ADCY1: variants seen among roughly 807,000 people sequenced by gnomAD.
The protein encoded by ADCY1 is adenylate cyclase type 1.
ADCY1 carries 28 observed loss-of-function variants against 105.4 expected under a neutral mutation model. The ratio of observed to expected loss-of-function variants is 0.27; its 90% CI spans 0.20 to 0.36. ADCY1 has a LOEUF of 0.36. Ranked by LOEUF, ADCY1 falls within the 10% of genes least tolerant of loss-of-function variation. The pLI is 1.00. For synonymous variants in ADCY1, 655 were observed against 623.8 expected, an observed-to-expected ratio of 1.05 and a Z score of -0.75; for missense variants, 977 against 1,434.2, an observed-to-expected ratio of 0.68 and a Z score of 5.15.
In ADCY1 at chr7:45,716,092, C is replaced by T. The variant is rs1257289878; in HGVS notation, c.*2097C>T. The T allele has an allele frequency of 6.5e-6, 1 of 152,704 alleles. No homozygotes were observed. The highest frequency in any genetic ancestry group is 2.4e-5 in the African/African-American group (1 of 41,454). The allele number at this position is 152,704 out of a possible 1,614,324, so 9.5% of individuals were successfully genotyped here. On this transcript the variant is annotated 3_prime_UTR_variant, in exon 20 of 20. Transcript: ENST00000297323. ...GGTGGTCCTCATGTCGCTGTCCGCT[C>T]ATGTTCCTGGTGTTCTGGCATCACC...
chr7:45,658,286 T>C (rs1050407218), intron 6 of ADCY1, among the ~76,000 whole-genome samples: 3 of 151,512 alleles, frequency 2.0e-5, no homozygotes, highest in Non-Finnish European at 4.4e-5. Context: ...TTAGAGCTCC[T>C]TCTCCACCCC....
At chr7:45,582,897 C>G (rs886162628) in intron 1 of ADCY1, among the ~76,000 whole-genome samples, 2 of 152,178 alleles carry the variant, frequency 1.3e-5, no homozygotes, top group African/African-American at 4.8e-5. Context: ...CTAGCTCTGG[C>G]TTTGTGCTGA....
intron 1 of ADCY1, among the ~76,000 whole-genome samples, chr7:45,576,905 G>C (rs6977779): frequency 1.2e-3 from 181 of 152,260 alleles, no homozygotes; most frequent in African/African-American, 3.7e-3. Context: ...GTAATAAAAG[G>C]CTGCGTTATT....
intron 14 of ADCY1, among the ~76,000 whole-genome samples, chr7:45,693,044 G>A (rs1784812381): frequency 6.6e-6 from 1 of 152,186 alleles, no homozygotes; most frequent in Admixed American, 6.5e-5. Flanking sequence ...AAAATTGATA[G>A]AACTGCAAGA....
At chr7:45,653,844 G>A (rs897316229) in intron 5 of ADCY1, among the ~76,000 whole-genome samples, 2 of 152,164 alleles carry the variant, frequency 1.3e-5, no homozygotes, top group Non-Finnish European at 2.9e-5. Flanking sequence ...AGCCAGTTCT[G>A]GCCTACCAAA....
rs1198267853 is a variant in ADCY1 at position 45,708,266 on chromosome 7, A to G, written c.2818-84A>G. The G allele has an allele frequency of 2.4e-6, 2 of 837,760 alleles. No homozygotes were observed. The highest frequency in any genetic ancestry group is 5.0e-5 in the East Asian group (2 of 40,380). 51.9% of individuals were successfully genotyped at this position (837,760 alleles called of 1,614,324 possible). A position where few individuals can be genotyped will look rare whatever the true frequency, so the allele number is the denominator to read the frequency against. On this transcript the variant is annotated intron_variant, in intron 17 of 19. Transcript: ENST00000297323. The surrounding 1 kb of genome is among the most constrained non-coding windows in gnomAD (Gnocchi z 4.7). ...TCAGAGTGCCTTCCTCTGAAAGTGC[A>G]GCTGTTGGGCACTGCAGGTTGGTCC...
Position 45,638,481 on chromosome 7 carries a change from C to CTTTTTTTTTTTTT in ADCY1, c.1021-10184_1021-10172dup, listed in dbSNP as rs34719678. Among the ~76,000 whole-genome samples the CTTTTTTTTTTTTT allele has an allele frequency of 2.3e-5, 3 of 132,746 alleles. 1 individual carries two copies. Among genetic ancestry groups the CTTTTTTTTTTTTT allele is most frequent in the African/African-American group, 5.6e-5 (2 of 35,834 alleles). 87.1% of individuals were successfully genotyped at this position (132,746 alleles called of 152,430 possible). A position where few individuals can be genotyped will look rare whatever the true frequency, so the allele number is the denominator to read the frequency against. Reference sequence around the variant, plus strand: ...AAAATTGGAATGACCCAGTTTGCTCCTTTTTTTTTTTTTTTTTGTATTACT... The same window carrying CTTTTTTTTTTTTT: ...AAAATTGGAATGACCCAGTTTGCTCCTTTTTTTTTTTTTTTTTTTTTTTTTTTTTTGTATTACT... On this transcript the variant is annotated intron_variant, in intron 4 of 19. Coordinates refer to ENST00000297323, the MANE Select transcript of ADCY1 (RefSeq NM_021116.4).
At chr7:45,673,654 C>G (rs1784402514) in intron 8 of ADCY1, among the ~76,000 whole-genome samples, 1 of 151,862 alleles carries the variant, frequency 6.6e-6, no homozygotes, top group Admixed American at 6.6e-5. Context: ...TGTCTTTTCA[C>G]TCTTATTTTT....
chr7:45,663,334 G>A (rs905364616), intron 8 of ADCY1, among the ~76,000 whole-genome samples: 4 of 152,212 alleles, frequency 2.6e-5, no homozygotes, highest in African/African-American at 4.8e-5. Context: ...GTGAGCAAAC[G>A]TGTCCAGAGT....
chr7:45,651,432 C>T (rs1794807454), intron 5 of ADCY1, among the ~76,000 whole-genome samples: 1 of 152,226 alleles, frequency 6.6e-6, no homozygotes. Flanking sequence ...CTTGCCCAGG[C>T]AGAGGAGGAC....
chr7:45,662,970 C>T (rs1384713281), intron 8 of ADCY1, among the ~76,000 whole-genome samples: 1 of 152,198 alleles, frequency 6.6e-6, no homozygotes, highest in African/African-American at 2.4e-5. Flanking sequence ...GAAAGCAAGT[C>T]AGAAATGGGG....
At chr7:45,595,774 G>T (rs564808162) in intron 2 of ADCY1, among the ~76,000 whole-genome samples, 1 of 152,356 alleles carries the variant, frequency 6.6e-6, no homozygotes, top group Non-Finnish European at 1.5e-5. Context: ...CATGAGCGCT[G>T]ATTGAGGACG....
At chr7:45,676,665 G>A (rs1784460173) in intron 8 of ADCY1, among the ~76,000 whole-genome samples, 1 of 152,132 alleles carries the variant, frequency 6.6e-6, no homozygotes, top group East Asian at 1.9e-4. Context: ...CACTGACAAT[G>A]CAAGTGGGAG....
At chr7:45,656,318 T>C (rs1316119705) in intron 5 of ADCY1, among the ~76,000 whole-genome samples, 1 of 151,472 alleles carries the variant, frequency 6.6e-6, no homozygotes, top group Non-Finnish European at 1.5e-5. Context: ...AAAAAAAAAG[T>C]ATATTCAAAA....
intron 8 of ADCY1, among the ~76,000 whole-genome samples, chr7:45,662,467 T>G (rs996097449): frequency 7.2e-5 from 11 of 152,198 alleles, no homozygotes; most frequent in South Asian, 2.1e-4. Context: ...ATCCATAAAT[T>G]CAAGCTAAAA....
At chr7:45,598,679 T>G (rs1417057090) in intron 2 of ADCY1, among the ~76,000 whole-genome samples, 1 of 152,112 alleles carries the variant, frequency 6.6e-6, no homozygotes, top group African/African-American at 2.4e-5. Flanking sequence ...CTATAATTAT[T>G]AAAAAGATTG....
rs2115684688 is a variant in ADCY1 at position 45,575,991 on chromosome 7, T to C, written c.639+809T>C. 6.6e-6 allele frequency among the ~76,000 whole-genome samples: 1 copy of C among 152,268 alleles called. No individual in the cohort carries two copies. Among genetic ancestry groups the C allele is most frequent in the South Asian group, 2.1e-4 (1 of 4,816 alleles). On this transcript the variant is annotated intron_variant, in intron 1 of 19. Coordinates refer to ENST00000297323, the MANE Select transcript of ADCY1 (RefSeq NM_021116.4). The surrounding 1 kb of genome is among the most constrained non-coding windows in gnomAD (Gnocchi z 4.7). Reference sequence around the variant, plus strand: ...AGAGGTCTTTGCCCCACGGCGGGGCTTTGAGAGCTTCCCCTTGTGCCCATC... The same window carrying C: ...AGAGGTCTTTGCCCCACGGCGGGGCCTTGAGAGCTTCCCCTTGTGCCCATC...
Position 45,659,542 on chromosome 7 carries a change from C to T in ADCY1, c.1308-500C>T, listed in dbSNP as rs528934758. Reference sequence around the variant, plus strand: ...TGGGGAGGCGTGAATGCCTGGGCTCCACAGCGTTTCTTACCACCCTGCTTC... The same window carrying T: ...TGGGGAGGCGTGAATGCCTGGGCTCTACAGCGTTTCTTACCACCCTGCTTC... On this transcript the variant is annotated intron_variant, in intron 6 of 19. Coordinates refer to ENST00000297323, the MANE Select transcript of ADCY1 (RefSeq NM_021116.4). Among the ~76,000 whole-genome samples, 2 of 152,270 alleles carry T rather than the reference C, an allele frequency of 1.3e-5. 1 individual carries two copies. The highest frequency in any genetic ancestry group is 4.1e-4 in the South Asian group (2 of 4,828).
At chr7:45,593,278 C>T (rs964892702) in intron 2 of ADCY1, among the ~76,000 whole-genome samples, 2 of 152,192 alleles carry the variant, frequency 1.3e-5, no homozygotes, top group African/African-American at 2.4e-5. Context: ...CTGAGGCTTC[C>T]ACCAGCTCTG....
Sources: gnomAD v4.1 joint callset for allele counts (sites outside exome capture counted in the v4.1 genomes callset) on GRCh38, gnomAD v4.1.1 for gene constraint, Gnocchi (gnomAD v3.1) non-coding constraint, MANE v1.5 for transcripts, NCBI Gene and HGNC (gene_info 2026-07-23, HGNC 2026-07-21) for gene names.